GGCX: variants seen among roughly 807,000 people sequenced by gnomAD.
GGCX encodes the protein gamma-glutamyl carboxylase.
Under a neutral mutation model 88.5 loss-of-function variants are expected in GGCX, and 63 were observed. The observed-to-expected ratio is 0.71, with a 90% CI of 0.58 to 0.88. The LOEUF (loss-of-function observed/expected upper bound fraction) is 0.88, where lower values mean the gene tolerates loss of function less well. Among genes scored for constraint, GGCX ranks in the 40% least tolerant of loss-of-function variants. The pLI is 0.00. For synonymous variants in GGCX, 368 were observed against 365.8 expected (o/e 1.01, Z -0.07); for missense variants, 805 against 932.9 (o/e 0.86, Z 1.79).
intron 3 of GGCX, 135 bp from the exon 4 acceptor site, chr2:85,558,740 A>T (rs1692310475): frequency 1.1e-6 from 1 of 869,588 alleles, no homozygotes; most frequent in Admixed American, 2.0e-5. Context: ...ATTAAATGTT[A>T]TTTTAATATT....
Position 85,549,914 on chromosome 2 carries a change from C to T in GGCX, c.*20G>A, listed in dbSNP as rs753500804. On this transcript the variant is annotated 3_prime_UTR_variant, in exon 15 of 15. Transcript: ENST00000233838. ...CTGTGACTGGCTGCTTCTACATCTG[C>T]ACCCAACATCTGGCCCCCTTCAGAA... The T allele has an allele frequency of 1.3e-6, 2 of 1,553,718 alleles. No homozygotes were observed. Among genetic ancestry groups the T allele is most frequent in the Admixed American group, 3.3e-5 (2 of 59,702 alleles).
rs138335178 is a variant in GGCX at position 85,554,063 on chromosome 2, C to T, written c.889+80G>A. Reference sequence around the variant, plus strand: ...TAGCTCCTGCTCACACCACCCTCTCCCACTCCCAAACAATGCCTCTGGCTA... The same window carrying T: ...TAGCTCCTGCTCACACCACCCTCTCTCACTCCCAAACAATGCCTCTGGCTA... On this transcript the variant is annotated intron_variant, in intron 7 of 14. Transcript: ENST00000233838. 4.2e-5 allele frequency: 47 copies of T among 1,124,214 alleles called. 1 individual carries two copies. The East Asian group carries it at 9.8e-4, about 24-fold the overall frequency. The allele number at this position is 1,124,214 out of a possible 1,614,324, so 69.6% of individuals were successfully genotyped here. A position where few individuals can be genotyped will look rare whatever the true frequency, so the allele number is the denominator to read the frequency against.
chr2:85,550,519 A>T, intron 14 of GGCX, 36 bp downstream of exon 14: 1 of 1,514,354 alleles, frequency 6.6e-7, no homozygotes, highest in Non-Finnish European at 9.2e-7. Flanking sequence ...GCTTGCCAAC[A>T]TATGATGGCA....
In GGCX at chr2:85,560,902, T is replaced by G. The variant is rs775528501; in HGVS notation, c.127A>C (p.Thr43Pro). 3.1e-6 allele frequency: 5 copies of G among 1,613,912 alleles called. No homozygotes were observed. The highest frequency in any genetic ancestry group is 4.2e-6 in the Non-Finnish European group (5 of 1,179,782). The change falls in exon 2 of 15, where the codon ACA becomes CCA. Residue 43 changes from threonine to proline, a missense_variant. Around this residue, in one of 3 missense-constraint regions of GGCX, gnomAD observed 64 missense variants for 57.4 expected, o/e 1.12. Transcript: ENST00000233838. ...AGCCTCCGCCAACTGGACAAATCTG[T>G]CCACTCAAAACCCAAGAGTTTCCCT... Reference protein sequence around the residue: ...RIGKLLGFEWTDLSSWRRLVT... With the variant: ...RIGKLLGFEWPDLSSWRRLVT...
rs1361468592 is a variant in GGCX at position 85,547,413 on chromosome 2, C to T, written c.*2521G>A. 6.6e-6 allele frequency: 1 copy of T among 152,180 alleles called. No homozygotes were observed. 9.4% of individuals were successfully genotyped at this position (152,180 alleles called of 1,614,324 possible). On this transcript the variant is annotated 3_prime_UTR_variant, in exon 15 of 15. Coordinates refer to ENST00000233838, the MANE Select transcript of GGCX (RefSeq NM_000821.7). ...GCTTTTATTACCAGTATTTACATGA[C>T]CACTTTTTCTTTACACCTCACCCTA...
At chr2:85,561,121 A>G in intron 1 of GGCX, 136 bp from the exon 2 acceptor site, 1 of 802,374 alleles carries the variant, frequency 1.2e-6, no homozygotes, top group South Asian at 1.4e-5. Context: ...ATCTGACTAT[A>G]GGAAACATCC....
At chr2:85,551,667 G>A in intron 11 of GGCX, 57 bp from the exon 12 acceptor site, 1 of 1,605,264 alleles carries the variant, frequency 6.2e-7, no homozygotes, top group South Asian at 1.1e-5. Flanking sequence ...CTCACTCCCA[G>A]CCAGAACAGA....
intron 4 of GGCX, among the ~76,000 whole-genome samples, chr2:85,557,505 C>T (rs62165900): frequency 1.9e-3 from 288 of 152,282 alleles, no homozygotes; most frequent in Non-Finnish European, 3.4e-3. Context: ...ATCCCCACAA[C>T]GGAACTTTTC....
rs1291558673 is a variant in GGCX at position 85,550,667 on chromosome 2, T to C, written c.1972A>G (p.Thr658Ala). 5 of 1,613,752 alleles carry C rather than the reference T, an allele frequency of 3.1e-6. No homozygotes were observed. The highest frequency in any genetic ancestry group is 1.3e-5 in the African/African-American group (1 of 74,886). The change falls in exon 14 of 15, where the codon ACC (threonine) becomes GCC (alanine). Residue 658 changes from threonine (T) to alanine (A), a missense_variant. Thr to Ala is a moderately conservative substitution (Grantham distance 58). Transcript: ENST00000233838. ...AGCCTTTGTTGGCGTCTAAGAAAGG[T>C]CTGAACCAGAGGTGTTGGCTCAGGG... ...GGPEPTPLVQTFLRRQQRLQE... is the reference protein window; with the variant it reads ...GGPEPTPLVQAFLRRQQRLQE...
chr2:85,545,086 G>C lies in GGCX; in HGVS notation c.*4848C>G, dbSNP rs867667606. ...ACAGAAGGGAGGGCAGAGCTGGTGC[G>C]GCTGGCCATGGAGAAAGCTGACTTG... On this transcript the variant is annotated 3_prime_UTR_variant, in exon 15 of 15. Coordinates refer to ENST00000233838, the MANE Select transcript of GGCX (RefSeq NM_000821.7). 6.6e-6 allele frequency: 1 copy of C among 152,628 alleles called. No individual in the cohort carries two copies. The allele number at this position is 152,628 out of a possible 1,614,324, so 9.5% of individuals were successfully genotyped here.
At chr2:85,561,304 C>T (rs1692449072) in intron 1 of GGCX, 82 bp downstream of exon 1, 2 of 650,148 alleles carry the variant, frequency 3.1e-6, no homozygotes, top group South Asian at 1.8e-5. Context: ...CACCGGGAGA[C>T]ACTGGGCGTC....
At chr2:85,560,682 G>A (rs747700583) in intron 2 of GGCX, 133 bp downstream of exon 2, 25 of 806,194 alleles carry the variant, frequency 3.1e-5, no homozygotes, top group Non-Finnish European at 5.3e-5. Context: ...CCTAAACTTC[G>A]CAAAGACCTC....
chr2:85,554,515 G>C (rs1692121430), intron 6 of GGCX: 2 of 604,042 alleles, frequency 3.3e-6, no homozygotes, highest in Non-Finnish European at 6.0e-6. Flanking sequence ...GCCTAGGCTG[G>C]AAGGCAATGG....
Position 85,550,906 on chromosome 2 carries a change from C to A in GGCX, c.1888+19G>T. On this transcript the variant is annotated intron_variant, in intron 13 of 14. Transcript: ENST00000233838. Reference sequence around the variant, plus strand: ...CTTGAAACCAGAGGCTATCTCAGCCCAAATGTTCATACACTCACCACTTCC... The same window carrying A: ...CTTGAAACCAGAGGCTATCTCAGCCAAAATGTTCATACACTCACCACTTCC... The A allele has an allele frequency of 6.2e-7, 1 of 1,613,440 alleles. No homozygotes were observed. Among genetic ancestry groups the A allele is most frequent in the Non-Finnish European group, 8.5e-7 (1 of 1,179,460 alleles).
chr2:85,550,761 G>A lies in GGCX; in HGVS notation c.1889-11C>T, dbSNP rs769335929. 2.4e-5 allele frequency: 39 copies of A among 1,612,760 alleles called. No individual in the cohort carries two copies. The highest frequency in any genetic ancestry group is 3.2e-5 in the Non-Finnish European group (38 of 1,179,688). The stretch of plus-strand genomic sequence containing the variant: ...GTAGAGGCCCTGTTTCTGCCCGGAA[G>A]ACAGAAAAAAGAGGAATCACTGAGA... On this transcript the variant is annotated splice_polypyrimidine_tract_variant and intron_variant, in intron 13 of 14. Coordinates refer to ENST00000233838, the MANE Select transcript of GGCX (RefSeq NM_000821.7).
intron 3 of GGCX, 141 bp from the exon 4 acceptor site, chr2:85,558,746 AT>A: frequency 1.1e-6 from 1 of 879,962 alleles, no homozygotes; most frequent in South Asian, 1.4e-5. Flanking sequence ...TGTTATTTTA[AT>A]ATTTTAAAAA....
rs1018503280 is a variant in GGCX, at chr2:85,546,822, G to C, written c.*3112C>G. The C allele has an allele frequency of 6.6e-6, 1 of 152,220 alleles. No homozygotes were observed. The highest frequency in any genetic ancestry group is 1.5e-5 in the Non-Finnish European group (1 of 68,034). 9.4% of individuals were successfully genotyped at this position (152,220 alleles called of 1,614,324 possible). A position where few individuals can be genotyped will look rare whatever the true frequency, so the allele number is the denominator to read the frequency against. On this transcript the variant is annotated 3_prime_UTR_variant, in exon 15 of 15. Transcript: ENST00000233838. Reference sequence around the variant, plus strand: ...TTTTGCATGTAATTGAAATGTTCCAGAACAAGTCTGGCAGTTTCATAAGGG... The same window carrying C: ...TTTTGCATGTAATTGAAATGTTCCACAACAAGTCTGGCAGTTTCATAAGGG...
chr2:85,552,653 C>T, intron 9 of GGCX, 86 bp from the exon 10 acceptor site: 1 of 1,294,728 alleles, frequency 7.7e-7, no homozygotes, highest in Non-Finnish European at 1.1e-6. Flanking sequence ...AACGAGATCC[C>T]TGCCTGCTGC....
Position 85,548,688 on chromosome 2 carries a change from C to T in GGCX, c.*1246G>A, listed in dbSNP as rs1054056335. On this transcript the variant is annotated 3_prime_UTR_variant, in exon 15 of 15. Transcript: ENST00000233838. ...GTCCATGAGCTCCCAAAGCAGGGATCCTTTTTCATAACCCTGCATTCTCGC... is the reference window on the plus strand; with the variant it reads ...GTCCATGAGCTCCCAAAGCAGGGATTCTTTTTCATAACCCTGCATTCTCGC... The T allele has an allele frequency of 6.6e-6, 1 of 152,188 alleles. No individual in the cohort carries two copies. The highest frequency in any genetic ancestry group is 2.4e-5 in the African/African-American group (1 of 41,442). The allele number at this position is 152,188 out of a possible 1,614,324, so 9.4% of individuals were successfully genotyped here. A position where few individuals can be genotyped will look rare whatever the true frequency, so the allele number is the denominator to read the frequency against.
Sources: gnomAD v4.1 joint callset for allele counts (sites outside exome capture counted in the v4.1 genomes callset) on GRCh38, gnomAD v4.1.1 for gene constraint, gnomAD v4.1.1 regional missense constraint, MANE v1.5 for transcripts, NCBI Gene and HGNC (gene_info 2026-07-23, HGNC 2026-07-21) for gene names.